The following LARS2 variants were observed in gnomAD, a reference collection of about 807,000 sequenced individuals.
LARS2 encodes the protein leucyl-tRNA synthetase 2, mitochondrial, also known as leucine--tRNA ligase, mitochondrial.
In LARS2, 81 loss-of-function variants were observed where a neutral mutation model predicts 116.6. The ratio of observed to expected loss-of-function variants is 0.69; its 90% CI spans 0.58 to 0.84. The LOEUF is 0.84. Ranked by LOEUF, LARS2 falls within the 40% of genes least tolerant of loss-of-function variation. The pLI, the probability that LARS2 is intolerant of heterozygous loss-of-function variation, is 0.00. For missense variants in LARS2, 968 were observed against 1,114.5 expected (o/e 0.87, Z 1.87); for synonymous variants, 396 against 407.2 (o/e 0.97, Z 0.33).
chr3:45,516,966 T>G (rs1700377391), intron 17 of LARS2, among the ~76,000 whole-genome samples: 2 of 152,158 alleles, frequency 1.3e-5, no homozygotes, highest in African/African-American at 2.4e-5. Flanking sequence ...GCCCTAAGTG[T>G]TGTTGTGGGA....
At chr3:45,462,922 C>A (rs1454725304) in intron 8 of LARS2, among the ~76,000 whole-genome samples, 2 of 152,216 alleles carry the variant, frequency 1.3e-5, no homozygotes, top group African/African-American at 4.8e-5. Flanking sequence ...TTACCCCCAA[C>A]CCAGTCCTCC....
chr3:45,528,833 A>G (rs1278442257), intron 20 of LARS2, among the ~76,000 whole-genome samples: 1 of 151,482 alleles, frequency 6.6e-6, no homozygotes, highest in Non-Finnish European at 1.5e-5. Context: ...ATATTCCATG[A>G]ACATATATTT....
chr3:45,540,742 A>ATCTGTCTGTCTG (rs145996918), intron 20 of LARS2, among the ~76,000 whole-genome samples: 19 of 123,460 alleles, frequency 1.5e-4, no homozygotes, highest in Middle Eastern at 3.7e-3. Context: ...GCATGTATCT[A>ATCTGTCTGTCTG]TCTGTCTATC....
At chr3:45,506,251 T>C (rs1389888860) in intron 15 of LARS2, among the ~76,000 whole-genome samples, 1 of 152,124 alleles carries the variant, frequency 6.6e-6, no homozygotes, top group South Asian at 2.1e-4. Flanking sequence ...TCAGCATTAC[T>C]CTTGTTGGAT....
chr3:45,530,286 G>C (rs983872190), intron 20 of LARS2, among the ~76,000 whole-genome samples: 1 of 152,158 alleles, frequency 6.6e-6, no homozygotes, highest in African/African-American at 2.4e-5. Context: ...ACTATGGGAG[G>C]CCGAGGCGGG....
At chr3:45,499,537 G>A (rs1213951646) in intron 14 of LARS2, among the ~76,000 whole-genome samples, 2 of 152,138 alleles carry the variant, frequency 1.3e-5, no homozygotes, top group Admixed American at 6.5e-5. Context: ...CTGGAAGATC[G>A]CTTGAGCCCA....
chr3:45,401,821 G>A (rs1698159163), intron 4 of LARS2, among the ~76,000 whole-genome samples: 1 of 152,050 alleles, frequency 6.6e-6, no homozygotes. Context: ...TCACCATGTT[G>A]TTCAGGCATG....
intron 19 of LARS2, among the ~76,000 whole-genome samples, chr3:45,522,300 C>G (rs368227548): frequency 1.3e-5 from 2 of 152,212 alleles, no homozygotes; most frequent in African/African-American, 4.8e-5. Context: ...ACTCGGAACC[C>G]CAGTGTCCTC....
chr3:45,404,757 G>T (rs575666513), intron 4 of LARS2, among the ~76,000 whole-genome samples: 1 of 151,700 alleles, frequency 6.6e-6, no homozygotes, highest in Admixed American at 6.6e-5. Flanking sequence ...CACCACACCC[G>T]GCTAATTTTT....
intron 20 of LARS2, among the ~76,000 whole-genome samples, chr3:45,536,596 C>G (rs1293230201): frequency 6.6e-6 from 1 of 152,252 alleles, no homozygotes; most frequent in African/African-American, 2.4e-5. Context: ...GAACTCACTT[C>G]TGTATGTGCC....
intron 19 of LARS2, among the ~76,000 whole-genome samples, chr3:45,522,201 C>T (rs1700465962): frequency 6.6e-5 from 10 of 152,180 alleles, no homozygotes; most frequent in Admixed American, 6.5e-4. Context: ...TTGGTGTAAC[C>T]TTGCCAGGAA....
intron 6 of LARS2, among the ~76,000 whole-genome samples, chr3:45,440,539 G>A (rs888021109): frequency 1.3e-5 from 2 of 152,156 alleles, no homozygotes; most frequent in East Asian, 1.9e-4. Flanking sequence ...TTACAGGGCC[G>A]CCGGATGATT....
chr3:45,445,998 C>T (rs1699011519), intron 6 of LARS2, among the ~76,000 whole-genome samples: 1 of 152,156 alleles, frequency 6.6e-6, no homozygotes, highest in African/African-American at 2.4e-5. Flanking sequence ...CATTTGAGCC[C>T]AGGAGTTCGA....
In LARS2 at chr3:45,400,354, A is replaced by G. The variant is rs746182533; in HGVS notation, c.344A>G (p.Gln115Arg). 3 of 1,610,962 alleles carry G rather than the reference A, an allele frequency of 1.9e-6. No homozygotes were observed. In the Admixed American group the frequency reaches 5.1e-5, roughly 27 times the overall value. The change falls in exon 4 of 22, where the codon CAG becomes CGG. Residue 115 changes from glutamine (Q) to arginine (R), a missense_variant. Physicochemically the swap from Gln to Arg is conservative, Grantham distance 43. Transcript: ENST00000645846. ...ATCAGCGACACCATAGCACGGTTCC[A>G]GAAGATGAGAGGGATGCAGGTAAGA... ...YTISDTIARF[Q>R]KMRGMQVINP...
At chr3:45,509,064 A>C (rs1049595065) in intron 15 of LARS2, among the ~76,000 whole-genome samples, 36 of 152,130 alleles carry the variant, frequency 2.4e-4, no homozygotes, top group Admixed American at 2.4e-3. Flanking sequence ...GCTTCAGTGC[A>C]AGCAAGCATG....
chr3:45,525,681 T>A (rs1175248047), intron 20 of LARS2, among the ~76,000 whole-genome samples: 2 of 152,256 alleles, frequency 1.3e-5, no homozygotes, highest in Admixed American at 6.5e-5. Context: ...AGTCATCTTC[T>A]GGGTCTTTCC....
Position 45,516,107 on chromosome 3 carries a change from T to A in LARS2, c.1875T>A (p.Val625=). 6.2e-7 allele frequency: 1 copy of A among 1,614,114 alleles called. No homozygotes were observed. Among genetic ancestry groups the A allele is most frequent in the Non-Finnish European group, 8.5e-7 (1 of 1,179,984 alleles). Reference sequence around the variant, plus strand: ...TTTGGCATCTAGGTTCCGTTCCTGTTCATGCAAAAACGAAAGAGAAGTTAG... The same window carrying A: ...TTTGGCATCTAGGTTCCGTTCCTGTACATGCAAAAACGAAAGAGAAGTTAG... The part of the protein sequence containing the change: ...EEVDLTGSVP[V]HAKTKEKLEV... Residue 625 remains valine, a synonymous_variant, in exon 17 of 22, where the codon GTT becomes GTA. Transcript: ENST00000645846.
At chr3:45,508,174 A>G (rs1453290673) in intron 15 of LARS2, among the ~76,000 whole-genome samples, 1 of 152,024 alleles carries the variant, frequency 6.6e-6, no homozygotes, top group Non-Finnish European at 1.5e-5. Flanking sequence ...TTTGGAATCA[A>G]CAGAAAGTGG....
In LARS2 at chr3:45,524,011, C is replaced by T. The variant is rs143838895; in HGVS notation, c.2307C>T (p.Ser769=). Residue 769 remains serine (S), a synonymous_variant, in exon 20 of 22, where the codon AGC becomes AGT. Transcript: ENST00000645846. The stretch of plus-strand genomic sequence containing the variant: ...CTCTTCCTTAGCAAGCCTCTCAGAG[C>T]GTCATTCTCCACAGCCCCGAGTTTG... The part of the protein sequence containing the change: ...LSNALSQASQ[S]VILHSPEFED... The T allele has an allele frequency of 4.7e-4, 759 of 1,613,598 alleles. 2 individuals are homozygous for T. In the African/African-American group the frequency reaches 8.8e-3, roughly 19 times the overall value.
Sources: gnomAD v4.1 joint callset for allele counts (sites outside exome capture counted in the v4.1 genomes callset) on GRCh38, gnomAD v4.1.1 for gene constraint, MANE v1.5 for transcripts, NCBI Gene and HGNC (gene_info 2026-07-23, HGNC 2026-07-21) for gene names.